STRBP: variants seen among roughly 807,000 people sequenced by gnomAD.
STRBP encodes the protein spermatid perinuclear RNA-binding protein.
In STRBP, 13 loss-of-function variants were observed where a neutral mutation model predicts 80.1. That is an observed-to-expected ratio of 0.16 (90% CI 0.11 to 0.26). The LOEUF (loss-of-function observed/expected upper bound fraction) is 0.26, where lower values mean the gene tolerates loss of function less well. Among genes scored for constraint, STRBP ranks in the 10% least tolerant of loss-of-function variants. The pLI is 1.00. For missense variants in STRBP, 485 were observed against 815.2 expected (o/e 0.59, Z 4.93); for synonymous variants, 284 against 291.2 (o/e 0.98, Z 0.25).
intron 1 of STRBP, among the ~76,000 whole-genome samples, chr9:123,251,503 C>T (rs1375230965): frequency 2.0e-5 from 3 of 152,170 alleles, no homozygotes; most frequent in Admixed American, 2.0e-4. Context: ...ACCAGGTAAC[C>T]TTCATAATAC....
chr9:123,241,179 C>CAA lies in STRBP; in HGVS notation c.-301-4215_-301-4214dup, dbSNP rs11303230. Among the ~76,000 whole-genome samples the CAA allele has an allele frequency of 1.6e-4, 17 of 103,586 alleles. No homozygotes were observed. In the South Asian group the frequency reaches 3.2e-3, roughly 20 times the overall value. The allele number at this position is 103,586 out of a possible 152,430, so 68.0% of individuals were successfully genotyped here. Reference sequence around the variant, plus strand: ...GGGCAACAAGAGCAAAACTCCATCTCAAAAAAAAAAAAAAAACAAAGTGAT... The same window carrying CAA: ...GGGCAACAAGAGCAAAACTCCATCTCAAAAAAAAAAAAAAAAAACAAAGTGAT... On this transcript the variant is annotated intron_variant, in intron 1 of 18. Transcript: ENST00000348403.
chr9:123,143,911 G>C (rs905568627), intron 13 of STRBP, among the ~76,000 whole-genome samples: 4 of 152,140 alleles, frequency 2.6e-5, no homozygotes, highest in Non-Finnish European at 5.9e-5. Flanking sequence ...GATGAAGAGA[G>C]TATCGGCTGG....
At chr9:123,263,849 C>T (rs2041210681) in intron 1 of STRBP, among the ~76,000 whole-genome samples, 1 of 152,170 alleles carries the variant, frequency 6.6e-6, no homozygotes, top group Admixed American at 6.5e-5. Context: ...CTGCAAAATA[C>T]ATAGGAAAAT....
At chr9:123,234,682 G>A (rs1043607643) in intron 2 of STRBP, among the ~76,000 whole-genome samples, 4 of 152,102 alleles carry the variant, frequency 2.6e-5, no homozygotes, top group Non-Finnish European at 5.9e-5. Flanking sequence ...TGTTCAGGCC[G>A]AGCGAGGTGG....
chr9:123,196,904 G>T (rs2039111865), intron 2 of STRBP, among the ~76,000 whole-genome samples: 1 of 152,130 alleles, frequency 6.6e-6, no homozygotes, highest in African/African-American at 2.4e-5. Context: ...CAAAAGAAAA[G>T]AAATCAGTAC....
intron 1 of STRBP, among the ~76,000 whole-genome samples, chr9:123,239,520 A>G (rs1360352348): frequency 6.6e-6 from 1 of 152,170 alleles, no homozygotes; most frequent in Non-Finnish European, 1.5e-5. Context: ...TTTGTACCTG[A>G]TATCACAAAC....
chr9:123,173,649 C>T (rs749314631), intron 5 of STRBP, 28 bp downstream of exon 5: 30 of 1,569,784 alleles, frequency 1.9e-5, no homozygotes, highest in Non-Finnish European at 2.2e-5. Flanking sequence ...TACAAATTCG[C>T]CTAGAGGTGC....
At chr9:123,139,035 T>C (rs539846155) in intron 14 of STRBP, among the ~76,000 whole-genome samples, 1 of 152,290 alleles carries the variant, frequency 6.6e-6, no homozygotes, top group East Asian at 1.9e-4. Flanking sequence ...GGGACTTAAT[T>C]AGGGTCTGAG....
At chr9:123,237,935 A>C (rs576073982) in intron 1 of STRBP, among the ~76,000 whole-genome samples, 12 of 152,348 alleles carry the variant, frequency 7.9e-5, no homozygotes, top group Non-Finnish European at 1.8e-4. Context: ...AATAGGCCCT[A>C]AAGTCAGATT....
At chr9:123,224,621 G>T (rs994127756) in intron 2 of STRBP, among the ~76,000 whole-genome samples, 3 of 152,132 alleles carry the variant, frequency 2.0e-5, no homozygotes, top group African/African-American at 7.2e-5. Flanking sequence ...CCACCTCAAA[G>T]AGTTAATAAC....
chr9:123,267,406 TAA>T (rs919016554), intron 1 of STRBP, among the ~76,000 whole-genome samples: 3 of 151,602 alleles, frequency 2.0e-5, no homozygotes, highest in African/African-American at 7.3e-5. Context: ...GCCCTCAAAC[TAA>T]GTCTCTGCCC....
At chr9:123,143,979 C>T (rs771087995) in intron 13 of STRBP, among the ~76,000 whole-genome samples, 1 of 152,120 alleles carries the variant, frequency 6.6e-6, no homozygotes, top group Non-Finnish European at 1.5e-5. Flanking sequence ...AGCAGGATCA[C>T]CTGAGGTCAG....
chr9:123,254,545 A>G (rs757557368), intron 1 of STRBP, among the ~76,000 whole-genome samples: 6 of 152,096 alleles, frequency 3.9e-5, no homozygotes, highest in Non-Finnish European at 8.8e-5. Flanking sequence ...GTGATTTTCA[A>G]CTAGTGCCTT....
chr9:123,189,181 C>T (rs2038822836), intron 2 of STRBP, among the ~76,000 whole-genome samples: 1 of 151,294 alleles, frequency 6.6e-6, no homozygotes, highest in Admixed American at 6.6e-5. Context: ...AAGCTGGAAA[C>T]CATCATTCTC....
chr9:123,265,253 G>A (rs1047749726), intron 1 of STRBP, among the ~76,000 whole-genome samples: 3 of 151,282 alleles, frequency 2.0e-5, no homozygotes. Context: ...GTTCTGCTCC[G>A]CCCTCATTAT....
intron 11 of STRBP, among the ~76,000 whole-genome samples, chr9:123,153,869 C>T (rs2037166234): frequency 6.6e-6 from 1 of 152,080 alleles, no homozygotes; most frequent in Non-Finnish European, 1.5e-5. Context: ...GAGAAAGGGT[C>T]TGAGGACTGA....
At chr9:123,211,744 C>G (rs1023596113) in intron 2 of STRBP, among the ~76,000 whole-genome samples, 1 of 152,100 alleles carries the variant, frequency 6.6e-6, no homozygotes, top group African/African-American at 2.4e-5. Flanking sequence ...ATATGGATAA[C>G]TTTAAAATAT....
At chr9:123,174,673 G>A (rs757194081) in intron 4 of STRBP, among the ~76,000 whole-genome samples, 1 of 152,126 alleles carries the variant, frequency 6.6e-6, no homozygotes, top group Non-Finnish European at 1.5e-5. Context: ...ATCAGCTTAT[G>A]GGGAAAGCAG....
At chr9:123,156,103 T>C (rs1213870802) in intron 11 of STRBP, among the ~76,000 whole-genome samples, 1 of 151,662 alleles carries the variant, frequency 6.6e-6, no homozygotes, top group Non-Finnish European at 1.5e-5. Context: ...AGTCACATAA[T>C]AGTAAACATA....
Sources: gnomAD v4.1 joint callset for allele counts (sites outside exome capture counted in the v4.1 genomes callset) on GRCh38, gnomAD v4.1.1 for gene constraint, MANE v1.5 for transcripts, NCBI Gene and HGNC (gene_info 2026-07-23, HGNC 2026-07-21) for gene names.